ANKFN1: variants seen among roughly 807,000 people sequenced by gnomAD.
ANKFN1 encodes ankyrin repeat and fibronectin type III domain containing 1.
ANKFN1 carries 74 observed loss-of-function variants against 108.7 expected under a neutral mutation model. That is an observed-to-expected ratio of 0.68 (90% confidence interval 0.56 to 0.83). ANKFN1 has a LOEUF of 0.83. Ranked by LOEUF, ANKFN1 falls within the 40% of genes least tolerant of loss-of-function variation. The pLI, the probability that ANKFN1 is intolerant of heterozygous loss-of-function variation, is 0.00. For synonymous variants in ANKFN1, 547 were observed against 516.2 expected, an observed-to-expected ratio of 1.06 and a Z score of -0.81; for missense variants, 1,505 against 1,382.3, an observed-to-expected ratio of 1.09 and a Z score of -1.41.
At chr17:56,203,984 T>C (rs1177692693) in intron 1 of ANKFN1, among the ~76,000 whole-genome samples, 1 of 152,084 alleles carries the variant, frequency 6.6e-6, no homozygotes, top group Non-Finnish European at 1.5e-5. Context: ...AAATGATATC[T>C]TAATGGTCCC....
rs149778846 is a variant in ANKFN1, at chr17:56,253,740, A to G, written c.53+25783A>G. On this transcript the variant is annotated intron_variant, in intron 3 of 20. Transcript: ENST00000682825. ...GACGACAGAGTAAGATCTTGTCTCA[A>G]AAAAATAAAAATAAAAAGGCCAGAA... 5.2e-3 allele frequency among the ~76,000 whole-genome samples: 791 copies of G among 152,266 alleles called. 8 individuals carry two copies. The highest frequency in any genetic ancestry group is 0.018 in the African/African-American group (757 of 41,558).
intron 15 of ANKFN1, among the ~76,000 whole-genome samples, chr17:56,468,250 T>A (rs1230549274): frequency 6.6e-6 from 1 of 152,140 alleles, no homozygotes; most frequent in Non-Finnish European, 1.5e-5. Flanking sequence ...AAAGACTTAC[T>A]TGAATACTGA....
In ANKFN1 at chr17:56,510,648, G is replaced by A; in HGVS notation, c.2820G>A (p.Leu940=). The part of the protein sequence containing the change: ...SGLSGSAPDV[L]QVHDVKTPLG... ...TAAGCGGCAGCGCCCCCGACGTCCT[G>A]CAAGTGCACGACGTGAAAACCCCTC... Residue 940 remains leucine, a synonymous_variant, in exon 21 of 21, where the codon CTG becomes CTA. Transcript: ENST00000682825. The A allele has an allele frequency of 1.3e-6, 2 of 1,536,166 alleles. No individual in the cohort carries two copies. Among genetic ancestry groups the A allele is most frequent in the South Asian group, 1.2e-5 (1 of 84,066 alleles).
intron 4 of ANKFN1, among the ~76,000 whole-genome samples, chr17:56,049,432 G>A (rs1377300170): frequency 2.0e-5 from 3 of 151,616 alleles, no homozygotes; most frequent in Non-Finnish European, 4.4e-5. Context: ...GGGTACATGT[G>A]CACATTGTGC....
At chr17:56,290,993 A>C (rs2044348373) in intron 3 of ANKFN1, among the ~76,000 whole-genome samples, 1 of 152,178 alleles carries the variant, frequency 6.6e-6, no homozygotes, top group Non-Finnish European at 1.5e-5. Context: ...AAATAGTTCC[A>C]TCCTAGAGAG....
intron 3 of ANKFN1, among the ~76,000 whole-genome samples, chr17:56,270,850 A>ATTCT (rs199908655): frequency 3.3e-5 from 5 of 151,474 alleles, no homozygotes; most frequent in East Asian, 1.9e-4. Flanking sequence ...CCTCCATCTT[A>ATTCT]TTCTTTCTTT....
intron 1 of ANKFN1, among the ~76,000 whole-genome samples, chr17:56,160,565 CT>C (rs1909559727): frequency 6.6e-6 from 1 of 152,170 alleles, no homozygotes; most frequent in South Asian, 2.1e-4. Context: ...GTAAATGCCA[CT>C]TTGATTACTG....
Position 56,498,899 on chromosome 17 carries a change from G to A in ANKFN1, c.2445G>A (p.Trp815Ter). 6.5e-7 allele frequency: 1 copy of A among 1,535,484 alleles called. No homozygotes were observed. The highest frequency in any genetic ancestry group is 8.7e-7 in the Non-Finnish European group (1 of 1,146,470). Residue 815 changes from tryptophan (W) to a stop codon, truncating the protein, a stop_gained, in exon 20 of 21, where the codon TGG (tryptophan) becomes TGA (stop). Coordinates refer to ENST00000682825, the MANE Select transcript of ANKFN1 (RefSeq NM_001370326.1). LOFTEE classifies it high-confidence loss of function. ...TTCCAAAGCAAATAGATGAAGTCTG[G>A]CGTGAAATGAGATGGATCATGGATG... is the stretch of plus-strand genomic sequence containing the variant. ...LDFIQQIDEV[W>*]REMRWIMDAL...
Position 56,516,066 on chromosome 17 carries a change from T to C in ANKFN1, c.*4797T>C, listed in dbSNP as rs1375378104. 1.3e-5 allele frequency among the ~76,000 whole-genome samples: 2 copies of C among 152,188 alleles called. No individual in the cohort carries two copies. The highest frequency in any genetic ancestry group is 2.9e-5 in the Non-Finnish European group (2 of 68,032). On this transcript the variant is annotated 3_prime_UTR_variant, in exon 21 of 21. Transcript: ENST00000682825. ...TCTTTGCTCCTCTTCCTGCAGTCCA[T>C]GCCATGAAAGTCTGAATATACTTTC...
rs2050668726 is a variant in ANKFN1, at chr17:56,480,819, G to T, written c.2091+1G>T. ...GCAGATCAATATACCTCTACACCAG[G>T]TACTAGACTTTACCATTTTTATCTT... is the stretch of plus-strand genomic sequence containing the variant. On this transcript the variant is annotated splice_donor_variant, in intron 17 of 20. Transcript: ENST00000682825. LOFTEE classifies it high-confidence loss of function. 1 of 1,610,892 alleles carries T rather than the reference G, an allele frequency of 6.2e-7. No homozygotes were observed. Among genetic ancestry groups the T allele is most frequent in the Non-Finnish European group, 8.5e-7 (1 of 1,179,034 alleles).
At chr17:56,103,528 C>T (rs939127518) in intron 4 of ANKFN1, among the ~76,000 whole-genome samples, 3 of 152,180 alleles carry the variant, frequency 2.0e-5, no homozygotes, top group Admixed American at 6.5e-5. Context: ...GAGGGTTGGG[C>T]GACAGTGCTC....
chr17:56,442,243 G>A (rs1314602973), intron 9 of ANKFN1, among the ~76,000 whole-genome samples: 4 of 152,134 alleles, frequency 2.6e-5, no homozygotes. Context: ...GTTTATTGTA[G>A]CACAAAATGT....
intron 8 of ANKFN1, among the ~76,000 whole-genome samples, chr17:56,398,014 C>T (rs922287743): frequency 1.3e-5 from 2 of 152,252 alleles, no homozygotes; most frequent in South Asian, 2.1e-4. Context: ...TCCCAGATTC[C>T]GTTTTCTAAA....
rs143472187 is a variant in ANKFN1, at chr17:56,399,165, A to G, written c.910+24451A>G. On this transcript the variant is annotated intron_variant, in intron 8 of 20. Transcript: ENST00000682825. ...TTATTATGTGAAACATGATAATATT[A>G]GTTTATATCATGCCATAGTTAACAC... Among the ~76,000 whole-genome samples, 626 of 152,260 alleles carry G rather than the reference A, an allele frequency of 4.1e-3. 4 individuals carry two copies. Among genetic ancestry groups the G allele is most frequent in the Non-Finnish European group, 7.4e-3 (502 of 68,002 alleles).
intron 8 of ANKFN1, among the ~76,000 whole-genome samples, chr17:56,376,462 C>A (rs1272789771): frequency 2.0e-5 from 3 of 152,142 alleles, no homozygotes; most frequent in Non-Finnish European, 4.4e-5. Flanking sequence ...TCTCATCTGC[C>A]AAGACTGAAA....
At chr17:56,092,574 G>A (rs952192431) in intron 4 of ANKFN1, among the ~76,000 whole-genome samples, 2 of 150,882 alleles carry the variant, frequency 1.3e-5, no homozygotes, top group Non-Finnish European at 3.0e-5. Context: ...GCGCCCAGTC[G>A]GTAGTATGTT....
rs759695373 is a variant in ANKFN1 at position 56,160,170 on chromosome 17, GTC to G, written c.-71+6644_-71+6645del. Among the ~76,000 whole-genome samples the G allele has an allele frequency of 1.1e-3, 160 of 152,182 alleles. 1 individual carries two copies. Among genetic ancestry groups the G allele is most frequent in the Non-Finnish European group, 1.8e-3 (121 of 67,930 alleles). On this transcript the variant is annotated intron_variant, in intron 1 of 20. Coordinates refer to ENST00000682825, the MANE Select transcript of ANKFN1 (RefSeq NM_001370326.1). ...ATTTATAGAAATCAATTAGTCCTCT[GTC>G]TCTGCAATTTTATTATGAGGCTCTG...
At chr17:56,458,715 A>C (rs111599062) in intron 14 of ANKFN1, among the ~76,000 whole-genome samples, 401 of 152,218 alleles carry the variant, frequency 2.6e-3, no homozygotes, top group Middle Eastern at 0.01. Flanking sequence ...GCTACATGGG[A>C]TTGGAGCCAT....
intron 11 of ANKFN1, among the ~76,000 whole-genome samples, chr17:56,453,797 T>TA (rs562397916): frequency 6.9e-6 from 1 of 145,234 alleles, no homozygotes; most frequent in African/African-American, 2.6e-5. Flanking sequence ...TTGAAATCCT[T>TA]TTTTTTTTTC....
Sources: gnomAD v4.1 joint callset for allele counts (sites outside exome capture counted in the v4.1 genomes callset) on GRCh38, gnomAD v4.1.1 for gene constraint, MANE v1.5 for transcripts, NCBI Gene and HGNC (gene_info 2026-07-23, HGNC 2026-07-21) for gene names.